The following PIK3C3 variants were observed in gnomAD, a reference collection of about 807,000 sequenced individuals.
PIK3C3 encodes phosphatidylinositol 3-kinase catalytic subunit type 3.
Under a neutral mutation model 126.1 loss-of-function variants are expected in PIK3C3, and 95 were observed. The observed-to-expected ratio is 0.75, with a 90% CI of 0.64 to 0.89. The LOEUF (loss-of-function observed/expected upper bound fraction) is 0.89, where lower values mean the gene tolerates loss of function less well. PIK3C3 is among the 40% of genes least tolerant of loss of function. PIK3C3 has a pLI of 0.00. For missense variants in PIK3C3, 829 were observed against 1,063.2 expected, an observed-to-expected ratio of 0.78 and a Z score of 3.06; for synonymous variants, 374 against 360.0, an observed-to-expected ratio of 1.04 and a Z score of -0.44.
intron 16 of PIK3C3, among the ~76,000 whole-genome samples, chr18:42,035,466 TA>T (rs1984008223): frequency 6.6e-6 from 1 of 152,202 alleles, no homozygotes; most frequent in African/African-American, 2.4e-5. Context: ...TACTCAATTA[TA>T]AAAAATTATA....
chr18:42,027,240 C>G, intron 13 of PIK3C3: 1 of 289,560 alleles, frequency 3.5e-6, no homozygotes, highest in Non-Finnish European at 6.4e-6. Context: ...CATTACCACT[C>G]TTAGTTTACC....
In PIK3C3 at chr18:41,955,373, C is replaced by G. The variant is rs1312718587; in HGVS notation, c.68+14C>G. The G allele has an allele frequency of 1.9e-6, 3 of 1,608,478 alleles. No homozygotes were observed. Among genetic ancestry groups the G allele is most frequent in the Non-Finnish European group, 2.6e-6 (3 of 1,175,986 alleles). On this transcript the variant is annotated intron_variant, in intron 1 of 24. Coordinates refer to ENST00000262039, the MANE Select transcript of PIK3C3 (RefSeq NM_002647.4). Reference sequence around the variant, plus strand: ...CCAGCTTAAGATGTAAGAGAACACTCGGGACAGGGAGTGGGATTGCTGGGG... The same window carrying G: ...CCAGCTTAAGATGTAAGAGAACACTGGGGACAGGGAGTGGGATTGCTGGGG...
intron 6 of PIK3C3, 144 bp downstream of exon 6, chr18:41,990,698 A>G: frequency 1.7e-6 from 1 of 574,568 alleles, no homozygotes; most frequent in Non-Finnish European, 3.1e-6. Flanking sequence ...ATGTATACAG[A>G]AATCAAATCA....
intron 4 of PIK3C3, among the ~76,000 whole-genome samples, chr18:41,972,309 T>C (rs1445711594): frequency 2.0e-5 from 3 of 152,084 alleles, no homozygotes; most frequent in African/African-American, 4.8e-5. Context: ...AAAGAAGCCT[T>C]CTTAATGTTT....
chr18:41,978,891 T>C (rs1224313585), intron 4 of PIK3C3, among the ~76,000 whole-genome samples: 1 of 151,918 alleles, frequency 6.6e-6, no homozygotes, highest in African/African-American at 2.4e-5. Flanking sequence ...TTGGGATTCT[T>C]TTGATCTTAC....
chr18:41,963,603 A>G (rs1156324362), intron 3 of PIK3C3, among the ~76,000 whole-genome samples: 1 of 152,166 alleles, frequency 6.6e-6, no homozygotes, highest in Non-Finnish European at 1.5e-5. Flanking sequence ...GGTTCCTTTC[A>G]GTGTGAAATG....
intron 8 of PIK3C3, among the ~76,000 whole-genome samples, chr18:41,996,227 A>G (rs1982018674): frequency 6.6e-6 from 1 of 152,194 alleles, no homozygotes; most frequent in Non-Finnish European, 1.5e-5. Context: ...TCATGTCAGT[A>G]GTATTCTTAG....
Position 42,071,761 on chromosome 18 carries a change from TAGTTGTTCTA to T in PIK3C3, c.2649+4250_2649+4259del, listed in dbSNP as rs1303917690. On this transcript the variant is annotated intron_variant, in intron 24 of 24. Coordinates refer to ENST00000262039, the MANE Select transcript of PIK3C3 (RefSeq NM_002647.4). ...TTAATAAAATAAAAGAAAACTTAGT[TAGTTGTTCTA>T]ACTTATCAGACAGATTCAGTTCTTT... 4.6e-5 allele frequency among the ~76,000 whole-genome samples: 7 copies of T among 151,582 alleles called. No individual in the cohort carries two copies. The East Asian group carries it at 1.2e-3, about 25-fold the overall frequency.
At chr18:42,054,300 TTGGAGTCGGA>T (rs1984962863) in intron 21 of PIK3C3, among the ~76,000 whole-genome samples, 1 of 149,820 alleles carries the variant, frequency 6.7e-6, no homozygotes, top group Admixed American at 6.7e-5. Context: ...ACTGAAGAAC[TTGGAGTCGGA>T]TGTTCGAGGG....
At chr18:42,028,150 C>A (rs1353061263) in intron 14 of PIK3C3, among the ~76,000 whole-genome samples, 1 of 152,034 alleles carries the variant, frequency 6.6e-6, no homozygotes, top group African/African-American at 2.4e-5. Flanking sequence ...CCAAGAAGAC[C>A]TAAAATATTT....
intron 18 of PIK3C3, among the ~76,000 whole-genome samples, chr18:42,039,371 T>C (rs901713006): frequency 6.6e-6 from 1 of 152,236 alleles, no homozygotes; most frequent in African/African-American, 2.4e-5. Context: ...CTCAGAATGA[T>C]ATTTTAAAAA....
intron 24 of PIK3C3, among the ~76,000 whole-genome samples, chr18:42,076,104 A>G (rs1395329645): frequency 1.3e-5 from 1 of 75,708 alleles, no homozygotes; most frequent in Non-Finnish European, 2.5e-5. Context: ...ATATATATAT[A>G]TATATATATA....
intron 10 of PIK3C3, among the ~76,000 whole-genome samples, chr18:42,008,648 T>A (rs1331698293): frequency 6.6e-6 from 1 of 152,110 alleles, no homozygotes; most frequent in Non-Finnish European, 1.5e-5. Context: ...TTGGGAAGTA[T>A]TTACAGAATT....
intron 13 of PIK3C3, among the ~76,000 whole-genome samples, chr18:42,024,929 G>C (rs1180634046): frequency 1.3e-5 from 2 of 150,754 alleles, no homozygotes; most frequent in African/African-American, 4.9e-5. Flanking sequence ...TCAGCCTCCC[G>C]AGCAGCTGGG....
At chr18:42,044,610 G>A (rs966120498) in intron 20 of PIK3C3, among the ~76,000 whole-genome samples, 11 of 152,118 alleles carry the variant, frequency 7.2e-5, no homozygotes, top group Non-Finnish European at 1.2e-4. Flanking sequence ...TAGAAACAGG[G>A]TTATGGCATG....
chr18:42,070,660 A>G (rs960620058), intron 24 of PIK3C3: 4 of 152,166 alleles, frequency 2.6e-5, no homozygotes, highest in Admixed American at 2.6e-4. Flanking sequence ...AGGTTAAAAC[A>G]TCTGTTTTTG....
At chr18:42,025,884 G>A (rs1983544076) in intron 13 of PIK3C3, 1 of 152,162 alleles carries the variant, frequency 6.6e-6, no homozygotes. Context: ...AATATGTTGA[G>A]CATCTATTAT....
chr18:41,980,403 C>T (rs1458365184), intron 4 of PIK3C3, among the ~76,000 whole-genome samples: 1 of 152,086 alleles, frequency 6.6e-6, no homozygotes, highest in Non-Finnish European at 1.5e-5. Flanking sequence ...ACAGTACATG[C>T]AGTGCAATAT....
intron 10 of PIK3C3, among the ~76,000 whole-genome samples, chr18:42,008,338 T>C (rs1982647152): frequency 6.6e-6 from 1 of 152,156 alleles, no homozygotes. Flanking sequence ...GTTTGGAGTT[T>C]ATATTCCAGG....
Sources: gnomAD v4.1 joint callset for allele counts (sites outside exome capture counted in the v4.1 genomes callset) on GRCh38, gnomAD v4.1.1 for gene constraint, MANE v1.5 for transcripts, NCBI Gene and HGNC (gene_info 2026-07-23, HGNC 2026-07-21) for gene names.